PLEKHA6: variants seen among roughly 807,000 people sequenced by gnomAD.
The protein encoded by PLEKHA6 is pleckstrin homology domain-containing family A member 6.
A neutral mutation model predicts 116.7 loss-of-function variants in PLEKHA6; 60 were observed. That is an observed-to-expected ratio of 0.51 (90% CI 0.42 to 0.64). The LOEUF is 0.64. Ranked by LOEUF, PLEKHA6 falls within the 30% of genes least tolerant of loss-of-function variation. The pLI is 0.00. For synonymous variants in PLEKHA6, 489 were observed against 556.1 expected, an observed-to-expected ratio of 0.88 and a Z score of 1.70; for missense variants, 1,338 against 1,422.7, an observed-to-expected ratio of 0.94 and a Z score of 0.96.
intron 12 of PLEKHA6, 117 bp from the exon 13 acceptor site, chr1:204,247,577 A>G: frequency 1.5e-6 from 1 of 653,156 alleles, no homozygotes; most frequent in Non-Finnish European, 2.7e-6. Flanking sequence ...GGAAGAGGGC[A>G]TGGAGGGACC....
chr1:204,249,328 G>A (rs1467972515), intron 10 of PLEKHA6, 64 bp from the exon 11 acceptor site: 3 of 1,197,732 alleles, frequency 2.5e-6, no homozygotes, highest in Admixed American at 1.7e-5. Context: ...TAGTTTGATG[G>A]GGACCTGGGA....
In PLEKHA6 at chr1:204,218,965, G is replaced by C. The variant is rs1358306698; in HGVS notation, c.*3823C>G. 1 of 152,582 alleles carries C rather than the reference G, an allele frequency of 6.6e-6. No individual in the cohort carries two copies. Among genetic ancestry groups the C allele is most frequent in the Non-Finnish European group, 1.5e-5 (1 of 68,040 alleles). The allele number at this position is 152,582 out of a possible 1,614,324, so 9.5% of individuals were successfully genotyped here. On this transcript the variant is annotated 3_prime_UTR_variant, in exon 23 of 23. Coordinates refer to ENST00000272203, the MANE Select transcript of PLEKHA6 (RefSeq NM_014935.5). Reference sequence around the variant, plus strand: ...AAATCTAAAAAGAATGCTGCTGAAAGGGGGAAGCAAACTCTCACCTGTTTC... The same window carrying C: ...AAATCTAAAAAGAATGCTGCTGAAACGGGGAAGCAAACTCTCACCTGTTTC...
chr1:204,257,260 G>T lies in PLEKHA6; in HGVS notation c.1524+93C>A. On this transcript the variant is annotated intron_variant, in intron 9 of 22. Transcript: ENST00000272203. This position sits in a 1 kb window ranked among gnomAD's most constrained non-coding sequence, Gnocchi z 6.5. ...AACGGCCCAGTGGCCCCGTGGCACA[G>T]ATGCTCCCACATCTCTGCCTTTTCT... 1 of 1,247,556 alleles carries T rather than the reference G, an allele frequency of 8.0e-7. No individual in the cohort carries two copies. The highest frequency in any genetic ancestry group is 1.1e-6 in the Non-Finnish European group (1 of 882,748). 77.3% of individuals were successfully genotyped at this position (1,247,556 alleles called of 1,614,324 possible).
At chr1:204,346,919 G>C in intron 1 of PLEKHA6, 2 of 1,249,508 alleles carry the variant, frequency 1.6e-6, no homozygotes, top group Non-Finnish European at 2.3e-6. Flanking sequence ...TTCTTTTTCT[G>C]ATCATTTTCC....
At position 204,259,801 on chromosome 1, in the gene PLEKHA6, G is replaced by A; in HGVS notation, c.525-61C>T. The stretch of plus-strand genomic sequence containing the variant: ...TAGCCCAGCATGGAGTGGGGCAGGG[G>A]GTGCCAGACTGGGAAGAAGAGGAGT... On this transcript the variant is annotated intron_variant, in intron 7 of 22. Transcript: ENST00000272203. The surrounding 1 kb of genome is among the most constrained non-coding windows in gnomAD (Gnocchi z 4.6). The A allele has an allele frequency of 6.6e-7, 1 of 1,518,264 alleles. No individual in the cohort carries two copies. The highest frequency in any genetic ancestry group is 8.8e-7 in the Non-Finnish European group (1 of 1,134,246). The allele number at this position is 1,518,264 out of a possible 1,614,324, so 94.0% of individuals were successfully genotyped here.
intron 4 of PLEKHA6, 86 bp downstream of exon 4, chr1:204,268,122 C>T: frequency 1.2e-6 from 1 of 804,516 alleles, no homozygotes; most frequent in Admixed American, 2.7e-5. Flanking sequence ...CAAAAAAATA[C>T]ACAGCCTGTC....
intron 1 of PLEKHA6, among the ~76,000 whole-genome samples, chr1:204,336,652 C>T (rs980251684): frequency 2.0e-5 from 3 of 152,184 alleles, no homozygotes; most frequent in African/African-American, 7.2e-5. Flanking sequence ...GCATACTGCC[C>T]AGCTTGCATT....
intron 12 of PLEKHA6, among the ~76,000 whole-genome samples, chr1:204,248,511 G>A (rs1664095811): frequency 6.6e-6 from 1 of 152,208 alleles, no homozygotes; most frequent in East Asian, 1.9e-4. Context: ...GAAGTGGGCA[G>A]CAGAGGTGTT....
intron 1 of PLEKHA6, among the ~76,000 whole-genome samples, chr1:204,330,166 C>T (rs1672396508): frequency 1.3e-5 from 2 of 152,236 alleles, no homozygotes; most frequent in Non-Finnish European, 2.9e-5. Flanking sequence ...TACACTTGAT[C>T]TTAGCCAAAA....
At chr1:204,357,076 T>G (rs1205849740) in intron 1 of PLEKHA6, among the ~76,000 whole-genome samples, 2 of 152,236 alleles carry the variant, frequency 1.3e-5, no homozygotes, top group Non-Finnish European at 2.9e-5. Flanking sequence ...AAAAGAAAAC[T>G]ATTTTTATGA....
intron 1 of PLEKHA6, among the ~76,000 whole-genome samples, chr1:204,351,305 G>T (rs1389363798): frequency 1.3e-5 from 2 of 152,150 alleles, no homozygotes; most frequent in Non-Finnish European, 2.9e-5. Flanking sequence ...CCCCAACTTG[G>T]GCATGAACCA....
rs1660712092 is a variant in PLEKHA6, at chr1:204,228,597, T to G, written c.2885+131A>C. 3.7e-6 allele frequency: 3 copies of G among 816,338 alleles called. No homozygotes were observed. Among genetic ancestry groups the G allele is most frequent in the Non-Finnish European group, 6.0e-6 (3 of 496,628 alleles). The allele number at this position is 816,338 out of a possible 1,614,324, so 50.6% of individuals were successfully genotyped here. On this transcript the variant is annotated intron_variant, in intron 20 of 22. Coordinates refer to ENST00000272203, the MANE Select transcript of PLEKHA6 (RefSeq NM_014935.5). The surrounding 1 kb of genome is among the most constrained non-coding windows in gnomAD (Gnocchi z 4.0). ...CCTCTGCCGGTAGCTGGGCCCTGTC[T>G]GCTGCCTGGAGTCACCACCTCGATG...
In PLEKHA6 at chr1:204,229,077, C is replaced by T; in HGVS notation, c.2611G>A (p.Val871Ile). 6.2e-7 allele frequency: 1 copy of T among 1,613,830 alleles called. No homozygotes were observed. Among genetic ancestry groups the T allele is most frequent in the Non-Finnish European group, 8.5e-7 (1 of 1,179,850 alleles). ...VVRRHRSIHE[V>I]DISNLEAALR... Reference sequence around the variant, plus strand: ...GCTGCCTCCAGGTTGGAGATGTCTACCTCATGGATGCTGCGGTGGCGGCGC... The same window carrying T: ...GCTGCCTCCAGGTTGGAGATGTCTATCTCATGGATGCTGCGGTGGCGGCGC... Residue 871 changes from valine to isoleucine, a missense_variant, in exon 19 of 23, where the codon GTA becomes ATA. By Grantham distance (29) the Val-to-Ile change is conservative. Coordinates refer to ENST00000272203, the MANE Select transcript of PLEKHA6 (RefSeq NM_014935.5).
intron 5 of PLEKHA6, among the ~76,000 whole-genome samples, chr1:204,266,804 C>G (rs1298984221): frequency 6.6e-6 from 1 of 152,204 alleles, no homozygotes; most frequent in East Asian, 1.9e-4. Flanking sequence ...CCTCTCATCC[C>G]TCACGCCTAT....
intron 5 of PLEKHA6, 111 bp downstream of exon 5, chr1:204,267,364 A>T: frequency 2.4e-6 from 2 of 846,242 alleles, no homozygotes; most frequent in Non-Finnish European, 4.0e-6. Context: ...CAGTGAGGAG[A>T]TCTGCCCTGC....
At chr1:204,372,230 CCCTAGATTCAGA>C (rs1188262182) in intron 1 of PLEKHA6, among the ~76,000 whole-genome samples, 7 of 152,314 alleles carry the variant, frequency 4.6e-5, no homozygotes, top group East Asian at 3.9e-4. Context: ...CTAGATCTGT[CCCTAGATTCAGA>C]CCTAGATTCA....
At chr1:204,367,351 G>A (rs1388572335) in intron 3 of PLEKHA6, among the ~76,000 whole-genome samples, 1 of 152,204 alleles carries the variant, frequency 6.6e-6, no homozygotes, top group Non-Finnish European at 1.5e-5. Flanking sequence ...GAGCAAGAGT[G>A]ACCGGAGCTG....
At chr1:204,236,282 C>T (rs1457811494) in intron 17 of PLEKHA6, among the ~76,000 whole-genome samples, 1 of 152,130 alleles carries the variant, frequency 6.6e-6, no homozygotes, top group Non-Finnish European at 1.5e-5. Context: ...TAAAAGATGG[C>T]CCACTGTGAG....
chr1:204,363,814 G>C (rs1164062429), upstream of PLEKHA6, among the ~76,000 whole-genome samples: 1 of 152,112 alleles, frequency 6.6e-6, no homozygotes, highest in Non-Finnish European at 1.5e-5. Flanking sequence ...TGAAAGCCTT[G>C]TGGGGCCATC....
Sources: allele counts gnomAD v4.1 joint callset (sites outside exome capture counted in the v4.1 genomes callset), GRCh38; gene constraint gnomAD v4.1.1; non-coding constraint Gnocchi (gnomAD v3.1); transcripts MANE v1.5; gene names NCBI Gene and HGNC (gene_info 2026-07-23, HGNC 2026-07-21).